The following LRRIQ1 variants were observed in gnomAD, a reference collection of about 807,000 sequenced individuals.
The protein encoded by LRRIQ1 is leucine-rich repeat- and IQ domain-containing protein 1.
In LRRIQ1, 210 loss-of-function variants were observed where a neutral mutation model predicts 211.9. That is an observed-to-expected ratio of 0.99 (90% CI 0.89 to 1.11). LRRIQ1 has a LOEUF of 1.11. LRRIQ1 is among the 50% of genes most tolerant of loss of function. LRRIQ1 has a pLI of 0.00. For synonymous variants in LRRIQ1, 699 were observed against 650.1 expected, an observed-to-expected ratio of 1.08 and a Z score of -1.14; for missense variants, 2,136 against 1,939.5, an observed-to-expected ratio of 1.10 and a Z score of -1.90.
chr12:85,083,518 C>T (rs1425586384), intron 11 of LRRIQ1, among the ~76,000 whole-genome samples: 1 of 151,432 alleles, frequency 6.6e-6, no homozygotes, highest in African/African-American at 2.4e-5. Flanking sequence ...CAGCTCACTG[C>T]AACCTCCACC....
rs777409456 is a variant in LRRIQ1 at position 85,127,956 on chromosome 12, ACT to A, written c.4133_4134del (p.Thr1378AsnfsTer45). ...GCCAAATTCTTCCATCAAGAATCAG[ACT>A]ATTTTAAAGAAAGGAAAAAGAGAAA... ...GLPNSSIKNQ[T>X]ILKKGKRENI... On this transcript the variant is annotated frameshift_variant, in exon 18 of 27. Coordinates refer to ENST00000393217, the MANE Select transcript of LRRIQ1 (RefSeq NM_001079910.2). LOFTEE classifies it high-confidence loss of function. 6.2e-7 allele frequency: 1 copy of A among 1,613,676 alleles called. No homozygotes were observed. Among genetic ancestry groups the A allele is most frequent in the East Asian group, 2.2e-5 (1 of 44,856 alleles).
chr12:85,167,129 C>T (rs937536842), intron 24 of LRRIQ1, among the ~76,000 whole-genome samples: 5 of 152,148 alleles, frequency 3.3e-5, no homozygotes, highest in Non-Finnish European at 7.4e-5. Context: ...AATCTCTTCA[C>T]TTGGCTAATT....
intron 1 of LRRIQ1, among the ~76,000 whole-genome samples, chr12:85,036,788 A>G (rs1399884753): frequency 6.6e-6 from 1 of 151,760 alleles, no homozygotes. Context: ...GAACCTTATA[A>G]AGTAGATTTC....
chr12:85,100,182 T>C (rs1039782472), intron 13 of LRRIQ1, among the ~76,000 whole-genome samples: 1 of 151,814 alleles, frequency 6.6e-6, no homozygotes, highest in Admixed American at 6.6e-5. Context: ...GCCACATTAA[T>C]AAGCATAAAA....
Position 85,127,934 on chromosome 12 carries a change from A to G in LRRIQ1, c.4110A>G (p.Pro1370=). Residue 1370 remains proline (P), a synonymous_variant, in exon 18 of 27, where the codon CCA becomes CCG. Transcript: ENST00000393217. ...ATACTGCTGCAACAGAAGGCCTGCCAAATTCTTCCATCAAGAATCAGACTA... is the reference window on the plus strand; with the variant it reads ...ATACTGCTGCAACAGAAGGCCTGCCGAATTCTTCCATCAAGAATCAGACTA... ...RLHTAATEGL[P]NSSIKNQTIL... 1 of 1,613,956 alleles carries G rather than the reference A, an allele frequency of 6.2e-7. No homozygotes were observed. Among genetic ancestry groups the G allele is most frequent in the Non-Finnish European group, 8.5e-7 (1 of 1,179,850 alleles).
rs141320087 is a variant in LRRIQ1, at chr12:85,066,967, T to G, written c.2695+69T>G. ...AATTTATTGTGTTTTATTTATTCCT[T>G]TTTAGGAGTAGGCCACCATCACAAA... On this transcript the variant is annotated intron_variant, in intron 10 of 26. Coordinates refer to ENST00000393217, the MANE Select transcript of LRRIQ1 (RefSeq NM_001079910.2). The G allele has an allele frequency of 1.0e-3, 873 of 854,176 alleles. 3 individuals carry two copies. The African/African-American group carries it at 0.014, about 14-fold the overall frequency. 52.9% of individuals were successfully genotyped at this position (854,176 alleles called of 1,614,324 possible). A position where few individuals can be genotyped will look rare whatever the true frequency, so the allele number is the denominator to read the frequency against.
chr12:85,043,570 C>T (rs941521480), intron 3 of LRRIQ1, among the ~76,000 whole-genome samples: 1 of 152,084 alleles, frequency 6.6e-6, no homozygotes, highest in Non-Finnish European at 1.5e-5. Context: ...GCAGGGTCAG[C>T]TTATGTCCTA....
chr12:85,155,844 C>T (rs964022446), intron 23 of LRRIQ1, among the ~76,000 whole-genome samples: 1 of 151,668 alleles, frequency 6.6e-6, no homozygotes, highest in African/African-American at 2.4e-5. Flanking sequence ...GGGGTGAGAA[C>T]ATTTTTTATA....
intron 8 of LRRIQ1, among the ~76,000 whole-genome samples, chr12:85,058,299 G>T (rs1881371440): frequency 6.6e-6 from 1 of 151,984 alleles, no homozygotes. Context: ...CAGGTCTGCA[G>T]AGCTACATAT....
chr12:85,264,468 A>C (rs1375842117), downstream of LRRIQ1: 1 of 152,058 alleles, frequency 6.6e-6, no homozygotes, highest in Non-Finnish European at 1.5e-5. Flanking sequence ...TATGGTGTGA[A>C]ACTGGAAGTT....
At chr12:85,123,435 A>C (rs1398042487) in intron 16 of LRRIQ1, among the ~76,000 whole-genome samples, 1 of 152,078 alleles carries the variant, frequency 6.6e-6, no homozygotes, top group Non-Finnish European at 1.5e-5. Context: ...TACAAGTGAA[A>C]AGTCCTTTAC....
At chr12:85,219,254 A>G (rs1894292332) in intron 24 of LRRIQ1, among the ~76,000 whole-genome samples, 1 of 152,148 alleles carries the variant, frequency 6.6e-6, no homozygotes, top group African/African-American at 2.4e-5. Context: ...AACAATATAC[A>G]TGGCAAAACA....
At chr12:85,152,259 A>G (rs774415934) in intron 19 of LRRIQ1, 21 bp from the exon 20 acceptor site, 18 of 1,582,598 alleles carry the variant, frequency 1.1e-5, no homozygotes, top group Non-Finnish European at 8.6e-7. Flanking sequence ...AATTACATAC[A>G]TTTTAATATT....
At chr12:85,055,526 A>C in intron 7 of LRRIQ1, 21 bp from the exon 8 acceptor site, 1 of 1,450,310 alleles carries the variant, frequency 6.9e-7, no homozygotes, top group Non-Finnish European at 9.1e-7. Flanking sequence ...GCTGACTACC[A>C]TGTATCTTAC....
At chr12:85,111,379 C>T (rs1887163414) in intron 15 of LRRIQ1, among the ~76,000 whole-genome samples, 1 of 151,950 alleles carries the variant, frequency 6.6e-6, no homozygotes, top group Non-Finnish European at 1.5e-5. Flanking sequence ...ACCTACTGCA[C>T]GAGAGGCTAG....
At chr12:85,225,755 G>T (rs1174891951) in intron 24 of LRRIQ1, among the ~76,000 whole-genome samples, 1 of 152,120 alleles carries the variant, frequency 6.6e-6, no homozygotes, top group African/African-American at 2.4e-5. Context: ...GAATTACTGG[G>T]CAGCCTAACT....
chr12:85,225,047 A>G (rs1894582848), intron 24 of LRRIQ1, among the ~76,000 whole-genome samples: 1 of 152,096 alleles, frequency 6.6e-6, no homozygotes, highest in South Asian at 2.1e-4. Context: ...TCAGCCTCTC[A>G]TATCCATGGG....
intron 23 of LRRIQ1, among the ~76,000 whole-genome samples, chr12:85,157,384 G>T (rs1890613887): frequency 6.6e-6 from 1 of 151,852 alleles, no homozygotes; most frequent in African/African-American, 2.4e-5. Flanking sequence ...TTATGTTTGG[G>T]TTATAGTGGT....
At chr12:85,243,838 A>G (rs1475526714) in intron 26 of LRRIQ1, among the ~76,000 whole-genome samples, 2 of 151,636 alleles carry the variant, frequency 1.3e-5, no homozygotes, top group East Asian at 3.9e-4. Flanking sequence ...TCATTTTTGG[A>G]TACTAGCTCC....
Sources: allele counts gnomAD v4.1 joint callset (sites outside exome capture counted in the v4.1 genomes callset), GRCh38; gene constraint gnomAD v4.1.1; transcripts MANE v1.5; gene names NCBI Gene and HGNC (gene_info 2026-07-23, HGNC 2026-07-21).